Variants in ANKFN1 observed in about 807,000 individuals in gnomAD.
ANKFN1 encodes the protein ankyrin repeat and fibronectin type III domain containing 1.
A neutral mutation model predicts 108.7 loss-of-function variants in ANKFN1; 74 were observed. The ratio of observed to expected loss-of-function variants is 0.68; its 90% CI spans 0.56 to 0.83. The LOEUF is 0.83. ANKFN1 is among the 40% of genes least tolerant of loss of function. The pLI, the probability that ANKFN1 is intolerant of heterozygous loss-of-function variation, is 0.00. For missense variants in ANKFN1, 1,505 were observed against 1,382.3 expected, an observed-to-expected ratio of 1.09 and a Z score of -1.41; for synonymous variants, 547 against 516.2, an observed-to-expected ratio of 1.06 and a Z score of -0.81.
intron 4 of ANKFN1, among the ~76,000 whole-genome samples, chr17:56,127,606 A>G (rs1215778772): frequency 1.3e-5 from 2 of 151,880 alleles, no homozygotes; most frequent in Non-Finnish European, 2.9e-5. Context: ...GAGCCACCGC[A>G]CCCGGCCAGC....
At chr17:56,155,690 A>G (rs1909035514) in intron 1 of ANKFN1, among the ~76,000 whole-genome samples, 1 of 152,168 alleles carries the variant, frequency 6.6e-6, no homozygotes, top group South Asian at 2.1e-4. Context: ...AAGGCAAAGC[A>G]AGGTGCCTGG....
chr17:56,308,052 G>T (rs1430615209), intron 3 of ANKFN1, among the ~76,000 whole-genome samples: 2 of 152,160 alleles, frequency 1.3e-5, no homozygotes, highest in East Asian at 3.9e-4. Flanking sequence ...ACACATGGAC[G>T]CAGGAAGGGG....
chr17:56,463,074 G>A lies in ANKFN1; in HGVS notation c.1558-3282G>A, dbSNP rs560774769. On this transcript the variant is annotated intron_variant, in intron 14 of 20. Transcript: ENST00000682825. ...TTGTTTTCTGGGTTTCTGCTCTCTA[G>A]TGAGCTCCTTTAATATATAATAGTA... Among the ~76,000 whole-genome samples the A allele has an allele frequency of 3.3e-5, 5 of 152,306 alleles. No homozygotes were observed. The South Asian group carries it at 8.3e-4, about 25-fold the overall frequency.
intron 1 of ANKFN1, among the ~76,000 whole-genome samples, chr17:56,182,962 C>T (rs1252129779): frequency 1.3e-5 from 2 of 152,288 alleles, no homozygotes; most frequent in East Asian, 1.9e-4. Context: ...TGGATGACAG[C>T]ACATCTGTTT....
chr17:56,302,496 C>T (rs890016562), intron 3 of ANKFN1, among the ~76,000 whole-genome samples: 2 of 125,496 alleles, frequency 1.6e-5, no homozygotes, highest in African/African-American at 6.4e-5. Flanking sequence ...GCCTGGACAA[C>T]AGAGTGAGAC....
intron 18 of ANKFN1, among the ~76,000 whole-genome samples, chr17:56,485,138 T>G (rs1312857927): frequency 2.6e-5 from 4 of 152,224 alleles, no homozygotes; most frequent in Non-Finnish European, 1.5e-5. Context: ...CCAGGCACTA[T>G]TCCAGGCACT....
chr17:56,295,594 TA>T (rs1411200065), intron 3 of ANKFN1, among the ~76,000 whole-genome samples: 1 of 151,830 alleles, frequency 6.6e-6, no homozygotes, highest in Non-Finnish European at 1.5e-5. Flanking sequence ...ACCATGATAT[TA>T]AAAAAAGCCG....
intron 3 of ANKFN1, among the ~76,000 whole-genome samples, chr17:56,235,148 C>A (rs1025196315): frequency 6.6e-6 from 1 of 152,054 alleles, no homozygotes; most frequent in African/African-American, 2.4e-5. Flanking sequence ...ACATGTATGT[C>A]TTCTTTTGCA....
intron 20 of ANKFN1, among the ~76,000 whole-genome samples, chr17:56,509,152 T>C (rs1336475311): frequency 6.6e-6 from 1 of 152,232 alleles, no homozygotes; most frequent in African/African-American, 2.4e-5. Flanking sequence ...CATATACAGA[T>C]GCGCCACAAT....
intron 8 of ANKFN1, among the ~76,000 whole-genome samples, chr17:56,415,315 C>T (rs1425992434): frequency 6.6e-6 from 1 of 152,122 alleles, no homozygotes; most frequent in Non-Finnish European, 1.5e-5. Context: ...AACCTAAAGA[C>T]TTTATACTCA....
chr17:56,194,024 G>A lies in ANKFN1; in HGVS notation c.-70-18574G>A, dbSNP rs114227110. 3.9e-3 allele frequency among the ~76,000 whole-genome samples: 587 copies of A among 152,276 alleles called. 5 individuals carry two copies. Among genetic ancestry groups the A allele is most frequent in the African/African-American group, 0.014 (565 of 41,560 alleles). ...AGATGGCAAGTGAGCACATGCAGAG[G>A]TACTCCATGTCTTTTGTCACTAGGG... On this transcript the variant is annotated intron_variant, in intron 1 of 20. Transcript: ENST00000682825.
rs1459161101 is a variant in ANKFN1 at position 56,510,699 on chromosome 17, C to T, written c.2871C>T (p.Gly957=). 1.3e-6 allele frequency: 2 copies of T among 1,536,034 alleles called. No individual in the cohort carries two copies. The highest frequency in any genetic ancestry group is 1.7e-6 in the Non-Finnish European group (2 of 1,146,922). The change falls in exon 21 of 21, where the codon GGC becomes GGT. Residue 957 remains glycine (G), a synonymous_variant. Coordinates refer to ENST00000682825, the MANE Select transcript of ANKFN1 (RefSeq NM_001370326.1). ...TPLGPGQDPQ[G]EGPNPDHSCA... is the part of the protein sequence containing the mutation. ...TGGGGCCGGGCCAGGATCCCCAGGGCGAGGGCCCAAATCCCGATCACTCAT... is the reference window on the plus strand; with the variant it reads ...TGGGGCCGGGCCAGGATCCCCAGGGTGAGGGCCCAAATCCCGATCACTCAT...
At chr17:56,434,229 A>T (rs1390469115) in intron 8 of ANKFN1, among the ~76,000 whole-genome samples, 1 of 152,124 alleles carries the variant, frequency 6.6e-6, no homozygotes, top group African/African-American at 2.4e-5. Flanking sequence ...TGATAAGCAA[A>T]ACTAGGAGAG....
chr17:56,208,245 T>C (rs73327546), intron 1 of ANKFN1, among the ~76,000 whole-genome samples: 6,520 of 152,198 alleles, frequency 0.043, 466 homozygotes, highest in African/African-American at 0.15. Context: ...GGTCTTAAAC[T>C]CCTGACCTCA....
chr17:56,330,044 T>C (rs1291320119), intron 4 of ANKFN1, among the ~76,000 whole-genome samples: 2 of 152,206 alleles, frequency 1.3e-5, no homozygotes, highest in Non-Finnish European at 2.9e-5. Context: ...TTTATGGTAT[T>C]TGGTTACAGC....
intron 4 of ANKFN1, among the ~76,000 whole-genome samples, chr17:56,048,606 G>A (rs1425441962): frequency 6.6e-6 from 1 of 152,206 alleles, no homozygotes; most frequent in Non-Finnish European, 1.5e-5. Context: ...CTTCCCAGGT[G>A]CCTTCACTCT....
intron 8 of ANKFN1, among the ~76,000 whole-genome samples, chr17:56,387,315 G>A (rs1206346280): frequency 3.9e-5 from 6 of 151,982 alleles, no homozygotes; most frequent in Non-Finnish European, 8.8e-5. Context: ...CCTGAGTACT[G>A]TTTTGTCCAT....
chr17:56,436,998 G>T (rs2048952152), intron 8 of ANKFN1, among the ~76,000 whole-genome samples: 1 of 152,288 alleles, frequency 6.6e-6, no homozygotes, highest in South Asian at 2.1e-4. Context: ...GAGGGAAAAA[G>T]ACTGTTGGTT....
In ANKFN1 at chr17:56,511,072, G is replaced by A. The variant is rs1015707118; in HGVS notation, c.3244G>A (p.Asp1082Asn). Residue 1082 changes from aspartate (D) to asparagine (N), a missense_variant, in exon 21 of 21, where the codon GAC (aspartate) becomes AAC (asparagine). By Grantham distance (23) the Asp-to-Asn change is conservative. Coordinates refer to ENST00000682825, the MANE Select transcript of ANKFN1 (RefSeq NM_001370326.1). ...TGAGGAGCGGAACAGCAGTCTCCAGGACGCGAGGCCTTCCGTCCGCCGCCT... is the reference window on the plus strand; with the variant it reads ...TGAGGAGCGGAACAGCAGTCTCCAGAACGCGAGGCCTTCCGTCCGCCGCCT... ...LPEERNSSLQ[D>N]ARPSVRRLYV... is the part of the protein sequence containing the mutation. 5 of 1,535,900 alleles carry A rather than the reference G, an allele frequency of 3.3e-6. No homozygotes were observed. Among genetic ancestry groups the A allele is most frequent in the East Asian group, 4.9e-5 (2 of 40,918 alleles).
Sources: allele counts gnomAD v4.1 joint callset (sites outside exome capture counted in the v4.1 genomes callset), GRCh38; gene constraint gnomAD v4.1.1; transcripts MANE v1.5; gene names NCBI Gene and HGNC (gene_info 2026-07-23, HGNC 2026-07-21).